Variants in NME6 observed in about 807,000 individuals in gnomAD.
NME6 encodes NME/NM23 nucleoside diphosphate kinase 6.
A neutral mutation model predicts 22.2 loss-of-function variants in NME6; 16 were observed. The ratio of observed to expected loss-of-function variants is 0.72; its 90% CI spans 0.49 to 1.09. The LOEUF (loss-of-function observed/expected upper bound fraction) is 1.09. NME6 is among the 50% of genes least tolerant of loss of function. The pLI is 0.00. For synonymous variants in NME6, 58 were observed against 85.2 expected, an observed-to-expected ratio of 0.68 and a Z score of 1.76; for missense variants, 229 against 239.0, an observed-to-expected ratio of 0.96 and a Z score of 0.28.
chr3:48,298,347 G>A (rs2035324931), intron 2 of NME6, 80 bp downstream of exon 2: 15 of 1,223,576 alleles, frequency 1.2e-5, no homozygotes, highest in Non-Finnish European at 1.8e-5. Flanking sequence ...TGTGTTGTCA[G>A]TCACCATAAA....
chr3:48,299,871 G>A (rs2035512308), intron 1 of NME6, among the ~76,000 whole-genome samples: 1 of 152,108 alleles, frequency 6.6e-6, no homozygotes, highest in Admixed American at 6.5e-5. Flanking sequence ...TCTCCCTAAT[G>A]CCACAGGTGG....
In NME6 at chr3:48,294,773, G is replaced by T. The variant is rs143717241; in HGVS notation, c.425C>A (p.Ala142Glu). 308 of 1,614,124 alleles carry T rather than the reference G, an allele frequency of 1.9e-4. 1 individual carries two copies. The highest frequency in any genetic ancestry group is 2.1e-4 in the Non-Finnish European group (252 of 1,179,980). The change falls in exon 6 of 6, where the codon GCA becomes GAA. Residue 142 changes from alanine to glutamate, a missense_variant. Transcript: ENST00000442597. ...TTCACTGAAGTCAGGGAAGAAGGCT[G>T]CAATCTCTCTGCTGGCTGAAACCAC... ...DSVVSASREIAAFFPDFSEQR... is the reference protein window; with the variant it reads ...DSVVSASREIEAFFPDFSEQR...
chr3:48,301,052 CA>C (rs1226953388), intron 1 of NME6, among the ~76,000 whole-genome samples: 5 of 150,620 alleles, frequency 3.3e-5, no homozygotes, highest in Admixed American at 1.3e-4. Context: ...GTCTCCAAAA[CA>C]AAAAAAAAGT....
chr3:48,298,476 G>A lies in NME6; in HGVS notation c.41C>T (p.Thr14Ile). 1 of 1,613,250 alleles carries A rather than the reference G, an allele frequency of 6.2e-7. No individual in the cohort carries two copies. The highest frequency in any genetic ancestry group is 8.5e-7 in the Non-Finnish European group (1 of 1,179,576). ...TGCGTCAGGCTTGATCAGGGCTAGA[G>A]TGAGCTGGAGAGCCTGAGGGCTTCG... ...ILRSPQALQL[T>I]LALIKPDAVA... Residue 14 changes from threonine to isoleucine, a missense_variant, in exon 2 of 6, where the codon ACT becomes ATT. Thr to Ile is a moderately conservative substitution (Grantham distance 89, BLOSUM62 -1). Coordinates refer to ENST00000442597, the MANE Select transcript of NME6 (RefSeq NM_001308426.2).
chr3:48,298,740 C>G (rs2035392293), intron 1 of NME6, among the ~76,000 whole-genome samples: 1 of 152,152 alleles, frequency 6.6e-6, no homozygotes, highest in South Asian at 2.1e-4. Context: ...ATTCAAGTTC[C>G]CCCGTGGAGT....
chr3:48,301,353 C>T lies in NME6; in HGVS notation c.-8G>A, dbSNP rs2035691880. 6.4e-7 allele frequency: 1 copy of T among 1,565,470 alleles called. No homozygotes were observed. The highest frequency in any genetic ancestry group is 1.4e-5 in the African/African-American group (1 of 73,952). Reference sequence around the variant, plus strand: ...AGCAGAAGTCCGGCTGCGGGTTCACCTTGTCCTCCGGCACAGGGCCCGGCC... The same window carrying T: ...AGCAGAAGTCCGGCTGCGGGTTCACTTTGTCCTCCGGCACAGGGCCCGGCC... On this transcript the variant is annotated splice_region_variant and 5_prime_UTR_variant, in exon 1 of 6. Coordinates refer to ENST00000442597, the MANE Select transcript of NME6 (RefSeq NM_001308426.2).
intron 2 of NME6, chr3:48,297,394 A>G (rs1367872731): frequency 6.5e-6 from 1 of 152,984 alleles, no homozygotes; most frequent in East Asian, 1.9e-4. Context: ...TCCTGGCACT[A>G]ACCAAAGTTT....
At chr3:48,291,069 T>C, downstream of NME6, 1 of 292,742 alleles carries the variant, frequency 3.4e-6, no homozygotes, top group South Asian at 3.6e-5. Flanking sequence ...GTTTCAGCCA[T>C]TACACAGTTA....
At chr3:48,296,255 T>C in intron 3 of NME6, 97 bp from the exon 4 acceptor site, 2 of 1,561,780 alleles carry the variant, frequency 1.3e-6, no homozygotes, top group Non-Finnish European at 8.8e-7. Context: ...ATAAAAATTG[T>C]TTCAGAGAAA....
chr3:48,289,993 G>A (rs1286237004), downstream of NME6, among the ~76,000 whole-genome samples: 1 of 152,096 alleles, frequency 6.6e-6, no homozygotes, highest in African/African-American at 2.4e-5. Flanking sequence ...TCTTTTGTGT[G>A]AGGAGGAAGG....
chr3:48,289,783 TTAATTG>T (rs1380648923), downstream of NME6, among the ~76,000 whole-genome samples: 2 of 152,194 alleles, frequency 1.3e-5, no homozygotes, highest in African/African-American at 4.8e-5. Context: ...CAATGTGAAA[TTAATTG>T]TAATAGGAAA....
chr3:48,301,165 T>G (rs1223761623), intron 1 of NME6, 188 bp downstream of exon 1: 6 of 1,181,670 alleles, frequency 5.1e-6, no homozygotes, highest in African/African-American at 1.6e-5. Flanking sequence ...GGCCGGGACC[T>G]GCGCCCCTAC....
downstream of NME6, chr3:48,291,321 G>T: frequency 2.1e-6 from 1 of 480,290 alleles, no homozygotes; most frequent in South Asian, 1.5e-5. Context: ...TGATATCAGA[G>T]ACTAAGCATT....
rs769627463 is a variant in NME6 at position 48,292,584 on chromosome 3, CTT to C, written c.*2051_*2052del. 3 of 152,096 alleles carry C rather than the reference CTT, an allele frequency of 2.0e-5. No individual in the cohort carries two copies. The highest frequency in any genetic ancestry group is 2.9e-5 in the Non-Finnish European group (2 of 68,002). 9.4% of individuals were successfully genotyped at this position (152,096 alleles called of 1,614,324 possible). A position where few individuals can be genotyped will look rare whatever the true frequency, so the allele number is the denominator to read the frequency against. ...TTTTTTCTTGAGATGGAGTTTCACTCTTGTTGCCCAGGCTGGAGTGCAACGGC... is the reference window on the plus strand; with the variant it reads ...TTTTTTCTTGAGATGGAGTTTCACTCGTTGCCCAGGCTGGAGTGCAACGGC... On this transcript the variant is annotated 3_prime_UTR_variant, in exon 6 of 6. Coordinates refer to ENST00000442597, the MANE Select transcript of NME6 (RefSeq NM_001308426.2).
At chr3:48,300,835 C>T (rs2035615459) in intron 1 of NME6, 1 of 172,214 alleles carries the variant, frequency 5.8e-6, no homozygotes, top group Non-Finnish European at 1.2e-5. Flanking sequence ...ATCACGAAGT[C>T]AGGAGATCAA....
intron 1 of NME6, chr3:48,299,076 C>A: frequency 3.0e-6 from 2 of 673,746 alleles, no homozygotes; most frequent in Non-Finnish European, 5.4e-6. Context: ...AGATCAGGAT[C>A]TCCTGTGCCC....
chr3:48,296,289 CA>C, intron 3 of NME6, 131 bp from the exon 4 acceptor site: 1 of 1,312,726 alleles, frequency 7.6e-7, no homozygotes, highest in Non-Finnish European at 1.1e-6. Flanking sequence ...TGGAGTCTGA[CA>C]AACCTGGGTC....
chr3:48,299,204 A>C, intron 1 of NME6: 2 of 487,954 alleles, frequency 4.1e-6, no homozygotes, highest in Non-Finnish European at 7.2e-6. Flanking sequence ...CCTGACACAA[A>C]GGTGCTTGAT....
At chr3:48,291,081 A>G (rs2034419361), downstream of NME6, 2 of 292,744 alleles carry the variant, frequency 6.8e-6, no homozygotes, top group Non-Finnish European at 6.8e-6. Flanking sequence ...ACACAGTTAC[A>G]CAAGGGATAC....
Sources: gnomAD v4.1 joint callset for allele counts (sites outside exome capture counted in the v4.1 genomes callset) on GRCh38, gnomAD v4.1.1 for gene constraint, MANE v1.5 for transcripts, NCBI Gene and HGNC (gene_info 2026-07-23, HGNC 2026-07-21) for gene names.